TBL1X: variants seen among roughly 807,000 people sequenced by gnomAD.
TBL1X encodes the protein F-box-like/WD repeat-containing protein TBL1X.
TBL1X carries 10 observed loss-of-function variants against 50.7 expected under a neutral mutation model. The ratio of observed to expected loss-of-function variants is 0.20; its 90% CI spans 0.12 to 0.33. TBL1X has a LOEUF of 0.33. TBL1X is among the 10% of genes least tolerant of loss of function. The pLI is 1.00. For missense variants in TBL1X, 340 were observed against 504.4 expected (o/e 0.67, Z 3.12); for synonymous variants, 190 against 214.7 (o/e 0.88, Z 1.01).
At chrX:9,499,317 C>T (rs912949420) in intron 1 of TBL1X, among the ~76,000 whole-genome samples, 1 of 111,497 alleles carries the variant, frequency 9.0e-6, no homozygotes, top group Non-Finnish European at 1.9e-5. Flanking sequence ...GAGACCAGCT[C>T]GCCCTTGATG....
At chrX:9,693,004 A>C in intron 9 of TBL1X, 145 bp from the exon 10 acceptor site, 1 of 573,940 alleles carries the variant, frequency 1.7e-6, no homozygotes, top group Non-Finnish European at 2.9e-6. Context: ...AGCTTTCAGC[A>C]TGGTATTTTC....
intron 6 of TBL1X, among the ~76,000 whole-genome samples, chrX:9,686,216 A>G: frequency 9.0e-6 from 1 of 111,328 alleles, no homozygotes; most frequent in Non-Finnish European, 1.9e-5. Flanking sequence ...ATCTAAGAGG[A>G]CATGTCTCCA....
At chrX:9,707,045 A>G (rs1007879341) in intron 13 of TBL1X, among the ~76,000 whole-genome samples, 5 of 111,777 alleles carry the variant, frequency 4.5e-5, no homozygotes, top group Admixed American at 2.8e-4. Context: ...CGCAGAGTGC[A>G]TCAATGCTGG....
chrX:9,604,413 T>C (rs1476152103), intron 2 of TBL1X, among the ~76,000 whole-genome samples: 4 of 111,196 alleles, frequency 3.6e-5, no homozygotes, highest in East Asian at 5.7e-4. Context: ...CCCCCCTTTT[T>C]TTTTTGCCAG....
intron 2 of TBL1X, among the ~76,000 whole-genome samples, chrX:9,553,474 A>G (rs1396028037): frequency 9.0e-6 from 1 of 111,731 alleles, no homozygotes; most frequent in Non-Finnish European, 1.9e-5. Flanking sequence ...CGAGCTGGAG[A>G]TTCTTTGTGA....
chrX:9,509,426 C>CAGACACAT (rs1368839283), intron 2 of TBL1X, among the ~76,000 whole-genome samples: 2 of 101,414 alleles, frequency 2.0e-5, no homozygotes, highest in Non-Finnish European at 3.9e-5. Flanking sequence ...TGGATGAAGT[C>CAGACACAT]AGACACATGG....
At chrX:9,569,470 ACGCCTTC>A (rs2082373905) in intron 2 of TBL1X, among the ~76,000 whole-genome samples, 1 of 111,932 alleles carries the variant, frequency 8.9e-6, no homozygotes, top group African/African-American at 3.3e-5. Context: ...TCCTGAGCTC[ACGCCTTC>A]TGTTTTCACA....
chrX:9,556,848 C>A (rs1281005730), intron 2 of TBL1X, among the ~76,000 whole-genome samples: 1 of 108,141 alleles, frequency 9.2e-6, no homozygotes, highest in African/African-American at 3.4e-5. Flanking sequence ...CTAGAGGCTG[C>A]CCATATTCCT....
Position 9,488,770 on chromosome X carries a change from T to C in TBL1X, c.-200-13010T>C, listed in dbSNP as rs188416577. Among the ~76,000 whole-genome samples the C allele has an allele frequency of 1.2e-4, 13 of 110,963 alleles. No individual in the cohort carries two copies. The East Asian group carries it at 3.7e-3, about 31-fold the overall frequency. On this transcript the variant is annotated intron_variant, in intron 1 of 17. Coordinates refer to ENST00000645353, the MANE Select transcript of TBL1X (RefSeq NM_005647.4). ...CATAGGCTTATGTAACGTTTGTGTT[T>C]TGTCTCTCGAATAATTGAGAAATCT...
At chrX:9,471,995 GCT>G (rs746077442) in intron 1 of TBL1X, among the ~76,000 whole-genome samples, 1 of 111,255 alleles carries the variant, frequency 9.0e-6, no homozygotes. Flanking sequence ...TTCCCGGCCA[GCT>G]CTCCAAGACG....
intron 2 of TBL1X, among the ~76,000 whole-genome samples, chrX:9,554,175 C>T (rs1316832454): frequency 2.7e-5 from 3 of 112,459 alleles, no homozygotes; most frequent in Non-Finnish European, 5.6e-5. Flanking sequence ...GCTACGGTGC[C>T]CAGTCTCAAT....
chrX:9,571,573 A>C (rs2082386658), intron 2 of TBL1X, among the ~76,000 whole-genome samples: 1 of 111,874 alleles, frequency 8.9e-6, no homozygotes, highest in South Asian at 3.8e-4. Context: ...ATTGTGATAA[A>C]ATATACATAA....
intron 8 of TBL1X, 79 bp downstream of exon 8, chrX:9,691,790 G>T: frequency 8.7e-7 from 1 of 1,149,806 alleles, no homozygotes; most frequent in East Asian, 3.0e-5. Context: ...CTGGAGTTCT[G>T]CCTAAAGGAA....
At chrX:9,602,416 G>A (rs906648503) in intron 2 of TBL1X, among the ~76,000 whole-genome samples, 4 of 109,398 alleles carry the variant, frequency 3.7e-5, no homozygotes, top group African/African-American at 1.3e-4. Context: ...CCAGTGTTCT[G>A]GTTTCTTGAC....
intron 12 of TBL1X, among the ~76,000 whole-genome samples, chrX:9,699,619 G>A (rs761683829): frequency 9.0e-6 from 1 of 111,680 alleles, no homozygotes; most frequent in South Asian, 3.8e-4. Flanking sequence ...GCCTGGGGAG[G>A]GCTCCAGGCA....
intron 12 of TBL1X, among the ~76,000 whole-genome samples, chrX:9,699,605 C>T (rs1359602845): frequency 8.9e-6 from 1 of 111,784 alleles, no homozygotes; most frequent in East Asian, 2.8e-4. Context: ...GAACAGCCAT[C>T]GGCGCCTGGG....
At position 9,691,728 on chromosome X, in the gene TBL1X, G is replaced by T. The variant is rs201211593; in HGVS notation, c.749+17G>T. 15 of 1,138,572 alleles carry T rather than the reference G, an allele frequency of 1.3e-5. No individual in the cohort carries two copies. Among genetic ancestry groups the T allele is most frequent in the African/African-American group, 1.1e-4 (4 of 37,290 alleles). The allele number at this position is 1,138,572 out of a possible 1,213,427, so 93.8% of individuals were successfully genotyped here. The stretch of plus-strand genomic sequence containing the variant: ...AGCCTCCGGGTAAGGATGTCAGGGT[G>T]GGGGGCGCTCCAGAGTTGGGGAGAT... On this transcript the variant is annotated intron_variant, in intron 8 of 17. Transcript: ENST00000645353.
intron 5 of TBL1X, 143 bp from the exon 6 acceptor site, chrX:9,683,900 C>G (rs1312172679): frequency 1.1e-6 from 1 of 917,230 alleles, no homozygotes; most frequent in South Asian, 2.2e-5. Flanking sequence ...AAATCAGAAG[C>G]ATCCCTGGGC....
intron 1 of TBL1X, among the ~76,000 whole-genome samples, chrX:9,473,530 A>G (rs1213907473): frequency 8.9e-6 from 1 of 111,802 alleles, no homozygotes; most frequent in East Asian, 2.8e-4. Flanking sequence ...ATGGGGCATG[A>G]TAGGCGGTGG....
Sources: gnomAD v4.1 joint callset for allele counts (sites outside exome capture counted in the v4.1 genomes callset) on GRCh38, gnomAD v4.1.1 for gene constraint, MANE v1.5 for transcripts, NCBI Gene and HGNC (gene_info 2026-07-23, HGNC 2026-07-21) for gene names.